Variants in WNT3 observed in about 807,000 individuals in gnomAD.
WNT3 encodes proto-oncogene Wnt-3.
WNT3 carries 7 observed loss-of-function variants against 34.2 expected under a neutral mutation model. The ratio of observed to expected loss-of-function variants is 0.20; its 90% CI spans 0.12 to 0.38. The LOEUF is 0.38. WNT3 is among the 10% of genes least tolerant of loss of function. The pLI is 1.00. For synonymous variants in WNT3, 212 were observed against 211.5 expected (o/e 1.00, Z -0.02); for missense variants, 267 against 499.8 (o/e 0.53, Z 4.44).
chr17:46,779,105 C>CACACACACACACACACA (rs1568079934), intron 1 of WNT3, among the ~76,000 whole-genome samples: 2 of 35,398 alleles, frequency 5.7e-5, no homozygotes, highest in Admixed American at 2.2e-4. Flanking sequence ...ACACACACAC[C>CACACACACACACACACA]CCAGCCCACT....
At chr17:46,771,832 G>C (rs1161898404) in intron 2 of WNT3, among the ~76,000 whole-genome samples, 3 of 143,974 alleles carry the variant, frequency 2.1e-5, no homozygotes, top group Non-Finnish European at 4.6e-5. Context: ...CGCGCGGTGG[G>C]GGGGCGGTGC....
chr17:46,785,518 G>T (rs1226749754), intron 1 of WNT3, among the ~76,000 whole-genome samples: 1 of 152,228 alleles, frequency 6.6e-6, no homozygotes, highest in Non-Finnish European at 1.5e-5. Flanking sequence ...AGGAGCCCCG[G>T]AAACTCACTA....
chr17:46,790,648 T>C (rs1179747720), intron 1 of WNT3, among the ~76,000 whole-genome samples: 1 of 152,180 alleles, frequency 6.6e-6, no homozygotes, highest in African/African-American at 2.4e-5. Flanking sequence ...CCTCTGGTCT[T>C]GTCCACTTCC....
chr17:46,768,669 C>G lies in WNT3; in HGVS notation c.719G>C (p.Ser240Thr), dbSNP rs752197956. The G allele has an allele frequency of 6.2e-7, 1 of 1,614,180 alleles. No individual in the cohort carries two copies. Among genetic ancestry groups the G allele is most frequent in the Non-Finnish European group, 8.5e-7 (1 of 1,180,050 alleles). The change falls in exon 4 of 5, where the codon AGC becomes ACC. Residue 240 changes from serine to threonine, a missense_variant. Around this residue, in one of 3 missense-constraint regions of WNT3, gnomAD observed 181 missense variants for 391.3 expected, o/e 0.46. Coordinates refer to ENST00000225512, the MANE Select transcript of WNT3 (RefSeq NM_030753.5). This position sits in a 1 kb window ranked among gnomAD's most constrained non-coding sequence, Gnocchi z 5.0. The stretch of plus-strand genomic sequence containing the variant: ...CTTCTCTACTACCATCTCCGAGGCG[C>G]TGTCATACTTGTCCTTGAGGAAGTC... ...IGDFLKDKYD[S>T]ASEMVVEKHR...
At chr17:46,806,586 C>G (rs1742653667) in intron 1 of WNT3, among the ~76,000 whole-genome samples, 1 of 152,212 alleles carries the variant, frequency 6.6e-6, no homozygotes, top group South Asian at 2.1e-4. Flanking sequence ...CAGGACAGTG[C>G]AGAGGTCACA....
chr17:46,780,297 A>G (rs960478385), intron 1 of WNT3, among the ~76,000 whole-genome samples: 15 of 151,988 alleles, frequency 9.9e-5, no homozygotes, highest in African/African-American at 3.6e-4. Context: ...GCCAGCACCC[A>G]CTCCCCTGAG....
At chr17:46,782,025 C>G (rs2059465840) in intron 1 of WNT3, among the ~76,000 whole-genome samples, 1 of 152,198 alleles carries the variant, frequency 6.6e-6, no homozygotes, top group Admixed American at 6.5e-5. Context: ...AAAGGACCCA[C>G]CTGGCTTCAC....
intron 1 of WNT3, among the ~76,000 whole-genome samples, chr17:46,779,959 A>T (rs1470632979): frequency 6.6e-6 from 1 of 152,142 alleles, no homozygotes; most frequent in Non-Finnish European, 1.5e-5. Context: ...GGGTTTCGCA[A>T]TATTGGCCAG....
intron 4 of WNT3, among the ~76,000 whole-genome samples, chr17:46,766,134 C>T (rs973938622): frequency 2.6e-5 from 4 of 152,146 alleles, no homozygotes; most frequent in Admixed American, 1.3e-4. Context: ...TCTGGCCGGG[C>T]GCGGTGGCTC....
At chr17:46,810,656 C>T (rs1201601460) in intron 1 of WNT3, among the ~76,000 whole-genome samples, 1 of 151,934 alleles carries the variant, frequency 6.6e-6, no homozygotes, top group South Asian at 2.1e-4. Flanking sequence ...GAGCTCTGCA[C>T]CCCCCACCCT....
chr17:46,814,242 C>G (rs1189906523), intron 1 of WNT3, among the ~76,000 whole-genome samples: 1 of 152,228 alleles, frequency 6.6e-6, no homozygotes, highest in Non-Finnish European at 1.5e-5. Context: ...TCCCTGAGAG[C>G]GTCCCCTTCC....
At chr17:46,789,248 C>T (rs2083948151) in intron 1 of WNT3, among the ~76,000 whole-genome samples, 1 of 152,204 alleles carries the variant, frequency 6.6e-6, no homozygotes, top group African/African-American at 2.4e-5. Context: ...GCCACCAGGG[C>T]TGGCACCTAC....
In WNT3 at chr17:46,791,866, G is replaced by A. The variant is rs116495566; in HGVS notation, c.81-17957C>T. Among the ~76,000 whole-genome samples, 365 of 152,174 alleles carry A rather than the reference G, an allele frequency of 2.4e-3. 1 individual carries two copies. Among genetic ancestry groups the A allele is most frequent in the African/African-American group, 8.5e-3 (354 of 41,522 alleles). On this transcript the variant is annotated intron_variant, in intron 1 of 4. Transcript: ENST00000225512. Reference sequence around the variant, plus strand: ...ATCAGCCTGGGCAACACAGCGAGACGCTGTCTCTACAAAACACAGAAAAAT... The same window carrying A: ...ATCAGCCTGGGCAACACAGCGAGACACTGTCTCTACAAAACACAGAAAAAT...
At position 46,779,103 on chromosome 17, in the gene WNT3, A is replaced by ACACACC. The variant is rs749719578; in HGVS notation, c.81-5195_81-5194insGGTGTG. ...CACACACACACACACACACACACAC[A>ACACACC]CCCCAGCCCACTCGGCCTTCCAAAG... On this transcript the variant is annotated intron_variant, in intron 1 of 4. Coordinates refer to ENST00000225512, the MANE Select transcript of WNT3 (RefSeq NM_030753.5). Among the ~76,000 whole-genome samples the ACACACC allele has an allele frequency of 4.1e-4, 55 of 133,652 alleles. 1 individual carries two copies. In the East Asian group the frequency reaches 5.1e-3, roughly 12 times the overall value. 87.7% of individuals were successfully genotyped at this position (133,652 alleles called of 152,430 possible). A position where few individuals can be genotyped will look rare whatever the true frequency, so the allele number is the denominator to read the frequency against.
At chr17:46,801,110 T>A (rs2084119571) in intron 1 of WNT3, among the ~76,000 whole-genome samples, 1 of 152,144 alleles carries the variant, frequency 6.6e-6, no homozygotes, top group African/African-American at 2.4e-5. Context: ...GTTATCCCCA[T>A]TTTGCAGAGA....
intron 1 of WNT3, among the ~76,000 whole-genome samples, chr17:46,817,551 C>T (rs1194069021): frequency 6.6e-6 from 1 of 152,086 alleles, no homozygotes; most frequent in African/African-American, 2.4e-5. Context: ...GCGATGGGGC[C>T]GCTCGGAAAA....
chr17:46,788,073 T>G (rs2074404), intron 1 of WNT3, among the ~76,000 whole-genome samples: 41,528 of 151,414 alleles, frequency 0.27, 6,098 homozygotes, highest in East Asian at 0.52. Context: ...AAGGAATAGG[T>G]GTGCTGAGGG....
chr17:46,797,256 G>A (rs377524699), intron 1 of WNT3, among the ~76,000 whole-genome samples: 1 of 152,150 alleles, frequency 6.6e-6, no homozygotes, highest in African/African-American at 2.4e-5. Context: ...CACACTATGC[G>A]ATGTCCTACT....
intron 1 of WNT3, among the ~76,000 whole-genome samples, chr17:46,808,832 T>C (rs761008946): frequency 2.6e-4 from 39 of 152,022 alleles, no homozygotes; most frequent in Non-Finnish European, 4.7e-4. Flanking sequence ...CCCAGGGGAA[T>C]TGACACTGTG....
Sources: gnomAD v4.1 joint callset for allele counts (sites outside exome capture counted in the v4.1 genomes callset) on GRCh38, gnomAD v4.1.1 for gene constraint, gnomAD v4.1.1 regional missense constraint, Gnocchi (gnomAD v3.1) non-coding constraint, MANE v1.5 for transcripts, NCBI Gene and HGNC (gene_info 2026-07-23, HGNC 2026-07-21) for gene names.